Variants in OR1L8 observed in about 807,000 individuals in gnomAD.
OR1L8 encodes the protein olfactory receptor 1L8.
For missense variants in OR1L8, 330 were observed against 377.4 expected (o/e 0.87, Z 1.04); for synonymous variants, 148 against 147.0 (o/e 1.01, Z -0.05).
At chr9:122,572,326 C>T (rs749056986) in intron 4 of OR1L8, among the ~76,000 whole-genome samples, 2 of 152,154 alleles carry the variant, frequency 1.3e-5, no homozygotes, top group Non-Finnish European at 2.9e-5. Context: ...GTGTCAAACA[C>T]AGATCATTAT....
chr9:122,568,266 T>C lies in OR1L8; in HGVS notation c.212A>G (p.Asp71Gly). 2 of 1,614,024 alleles carry C rather than the reference T, an allele frequency of 1.2e-6. No homozygotes were observed. Among genetic ancestry groups the C allele is most frequent in the Non-Finnish European group, 1.7e-6 (2 of 1,179,940 alleles). ...YFFLSFLSLT[D>G]ICFTTSVVPK... The stretch of plus-strand genomic sequence containing the variant: ...GACAACGCTTGTTGTAAAGCAAATA[T>C]CAGTGAGAGACAGAAAACTCAAGAA... Residue 71 changes from aspartate (D) to glycine (G), a missense_variant, in exon 5 of 5, where the codon GAT (aspartate) becomes GGT (glycine). Asp to Gly is a moderately conservative substitution (Grantham distance 94). Coordinates refer to ENST00000641027, the MANE Select transcript of OR1L8 (RefSeq NM_001004454.2).
chr9:122,553,725 T>C, the OR1L8 span: 5 of 1,613,940 alleles, frequency 3.1e-6, no homozygotes, highest in Non-Finnish European at 4.2e-6. Flanking sequence ...CGTGGCTTTC[T>C]GTGCCCAGAA....
At chr9:122,559,623 A>G in the OR1L8 span, among the ~76,000 whole-genome samples, 1 of 152,226 alleles carries the variant, frequency 6.6e-6, no homozygotes, top group Admixed American at 6.5e-5. Context: ...GTTTCCATGT[A>G]GTTGTGTGTT....
chr9:122,553,692 A>G, the OR1L8 span: 2 of 1,614,010 alleles, frequency 1.2e-6, no homozygotes, highest in Non-Finnish European at 1.7e-6. Flanking sequence ...TCCTGCCCTG[A>G]TGCACACACT....
At chr9:122,559,133 G>A in the OR1L8 span, among the ~76,000 whole-genome samples, 1 of 151,910 alleles carries the variant, frequency 6.6e-6, no homozygotes. Context: ...TTGTACAATA[G>A]AACACCAGAG....
intron 3 of OR1L8, among the ~76,000 whole-genome samples, chr9:122,574,446 G>A (rs1829605601): frequency 6.6e-6 from 1 of 151,874 alleles, no homozygotes. Context: ...TATTTTGGGG[G>A]GTGCTAATGT....
Position 122,568,372 on chromosome 9 carries a change from A to G in OR1L8, c.106T>C (p.Tyr36His). 22 of 1,613,876 alleles carry G rather than the reference A, an allele frequency of 1.4e-5. No individual in the cohort carries two copies. The highest frequency in any genetic ancestry group is 1.9e-5 in the Non-Finnish European group (22 of 1,179,746). ...AGGTTCCCTGTTATGGTGACCAGGT[A>G]CACGATGAGGAAGAGAACAAAGAGT... ...KTLFVLFLIV[Y>H]LVTITGNLLI... The change falls in exon 5 of 5, where the codon TAC becomes CAC. Residue 36 changes from tyrosine to histidine, a missense_variant. Physicochemically the swap from Tyr to His is moderately conservative, Grantham distance 83. Transcript: ENST00000641027.
At chr9:122,554,254 G>A in the OR1L8 span, 1 of 996,802 alleles carries the variant, frequency 1.0e-6, no homozygotes, top group Non-Finnish European at 1.5e-6. Context: ...TTGATATTAG[G>A]GGAAGGTTAT....
At chr9:122,575,537 G>A (rs746273870) in intron 3 of OR1L8, among the ~76,000 whole-genome samples, 1 of 152,062 alleles carries the variant, frequency 6.6e-6, no homozygotes, top group African/African-American at 2.4e-5. Flanking sequence ...GAGATCTGTA[G>A]TGATGTTCCC....
At chr9:122,559,186 C>T in the OR1L8 span, among the ~76,000 whole-genome samples, 1 of 152,246 alleles carries the variant, frequency 6.6e-6, no homozygotes, top group African/African-American at 2.4e-5. Context: ...TGTTGACTAA[C>T]CTATCCCTGT....
the OR1L8 span, among the ~76,000 whole-genome samples, chr9:122,558,000 T>C: frequency 6.6e-6 from 1 of 152,008 alleles, no homozygotes; most frequent in African/African-American, 2.4e-5. Context: ...GGCACAGATT[T>C]GTTCATGGTA....
At chr9:122,576,152 G>C (rs1364985311) in intron 3 of OR1L8, among the ~76,000 whole-genome samples, 2 of 152,000 alleles carry the variant, frequency 1.3e-5, no homozygotes, top group African/African-American at 4.8e-5. Flanking sequence ...TTTTGCTGTT[G>C]ACTTGTAAGA....
intron 2 of OR1L8, among the ~76,000 whole-genome samples, chr9:122,577,192 C>A (rs1249934495): frequency 6.6e-6 from 1 of 151,954 alleles, no homozygotes; most frequent in Non-Finnish European, 1.5e-5. Flanking sequence ...TTTTTAACCT[C>A]TAAAGAAGCA....
intron 3 of OR1L8, among the ~76,000 whole-genome samples, chr9:122,574,841 T>C (rs753501161): frequency 9.2e-5 from 14 of 152,048 alleles, no homozygotes; most frequent in Non-Finnish European, 1.5e-4. Context: ...TGGGGGTAGT[T>C]TTTTCTTATC....
the OR1L8 span, among the ~76,000 whole-genome samples, chr9:122,551,350 A>G: frequency 3.3e-5 from 5 of 152,146 alleles, no homozygotes; most frequent in Admixed American, 6.5e-5. Flanking sequence ...TTTTTTGAGC[A>G]GCTGCTTTGT....
rs750554327 is a variant in OR1L8, at chr9:122,567,497, C to T, written c.*51G>A. On this transcript the variant is annotated 3_prime_UTR_variant, in exon 5 of 5. Coordinates refer to ENST00000641027, the MANE Select transcript of OR1L8 (RefSeq NM_001004454.2). ...CTGTTCACCAGAAACCAGTAGAAAA[C>T]ACGTCCAAGTTGAGCAGATTCCACT... 1 of 1,353,342 alleles carries T rather than the reference C, an allele frequency of 7.4e-7. No individual in the cohort carries two copies. Among genetic ancestry groups the T allele is most frequent in the Non-Finnish European group, 1.0e-6 (1 of 985,396 alleles). 83.8% of individuals were successfully genotyped at this position (1,353,342 alleles called of 1,614,324 possible).
the OR1L8 span, chr9:122,553,411 C>T: frequency 6.2e-7 from 1 of 1,614,136 alleles, no homozygotes; most frequent in Non-Finnish European, 8.5e-7. Flanking sequence ...TTCTTTCTGG[C>T]CAACCTGTCA....
intron 4 of OR1L8, among the ~76,000 whole-genome samples, chr9:122,570,505 C>G (rs373837515): frequency 6.6e-6 from 1 of 152,142 alleles, no homozygotes; most frequent in East Asian, 1.9e-4. Context: ...CTTTAAATCT[C>G]AGGTTTTTCA....
chr9:122,552,007 AGGTGAG>A, the OR1L8 span, among the ~76,000 whole-genome samples: 2 of 148,778 alleles, frequency 1.3e-5, no homozygotes, highest in African/African-American at 5.0e-5. Flanking sequence ...ATAATCTGAC[AGGTGAG>A]GATTTGGAAG....
Sources: allele counts gnomAD v4.1 joint callset (sites outside exome capture counted in the v4.1 genomes callset), GRCh38; gene constraint gnomAD v4.1.1; transcripts MANE v1.5; gene names NCBI Gene and HGNC (gene_info 2026-07-23, HGNC 2026-07-21).